CDH9: variants seen among roughly 807,000 people sequenced by gnomAD.
CDH9 encodes the protein cadherin 9.
In CDH9, 28 loss-of-function variants were observed where a neutral mutation model predicts 70.9. The ratio of observed to expected loss-of-function variants is 0.40; its 90% CI spans 0.29 to 0.54. CDH9 has a LOEUF of 0.54. Among genes scored for constraint, CDH9 ranks in the 20% least tolerant of loss-of-function variants. CDH9 has a pLI of 0.59. For synonymous variants in CDH9, 409 were observed against 343.1 expected (o/e 1.19, Z -2.12); for missense variants, 874 against 984.4 (o/e 0.89, Z 1.50).
At chr5:26,905,645 C>T (rs181508498) in intron 5 of CDH9, among the ~76,000 whole-genome samples, 79 of 152,216 alleles carry the variant, frequency 5.2e-4, no homozygotes, top group African/African-American at 1.8e-3. Flanking sequence ...TTGAGACAAT[C>T]TCAGTGAATG....
chr5:27,013,188 C>A (rs1742987451), intron 1 of CDH9, among the ~76,000 whole-genome samples: 1 of 151,966 alleles, frequency 6.6e-6, no homozygotes, highest in South Asian at 2.1e-4. Flanking sequence ...CTTGAGCATA[C>A]CCAGTCAAAA....
At chr5:26,952,458 CAAAAAAAAAAAAA>C (rs766973787) in intron 2 of CDH9, among the ~76,000 whole-genome samples, 137 of 9,964 alleles carry the variant, frequency 0.014, 1 homozygote, top group Middle Eastern at 0.083. Context: ...ACTAAAAATA[CAAAAAAAAAAAAA>C]AAAAAAAAAA....
intron 2 of CDH9, among the ~76,000 whole-genome samples, chr5:26,977,429 C>G (rs1742319340): frequency 6.7e-6 from 1 of 149,644 alleles, no homozygotes; most frequent in Non-Finnish European, 1.5e-5. Context: ...AAGTAACATT[C>G]TACAAAGTAT....
chr5:26,926,040 G>A (rs915114237), intron 2 of CDH9, among the ~76,000 whole-genome samples: 2 of 152,180 alleles, frequency 1.3e-5, no homozygotes, highest in Admixed American at 6.6e-5. Context: ...ACAAGACAGG[G>A]ATGCCCTCTC....
chr5:26,963,743 A>G (rs1368972438), intron 2 of CDH9, among the ~76,000 whole-genome samples: 2 of 152,176 alleles, frequency 1.3e-5, no homozygotes, highest in Admixed American at 6.5e-5. Flanking sequence ...TTAAAAAAAA[A>G]GATACATCAT....
At chr5:27,016,601 T>A (rs540860839) in intron 1 of CDH9, among the ~76,000 whole-genome samples, 28 of 152,012 alleles carry the variant, frequency 1.8e-4, no homozygotes, top group African/African-American at 6.5e-4. Flanking sequence ...AATTTTAGTA[T>A]AATTGGCAGC....
chr5:26,925,337 T>TAAATGTCTTCTTTTGAG (rs1741317740), intron 2 of CDH9, among the ~76,000 whole-genome samples: 1 of 152,210 alleles, frequency 6.6e-6, no homozygotes, highest in African/African-American at 2.4e-5. Flanking sequence ...GTTGGCTGCA[T>TAAATGTCTTCTTTTGAG]AAATGTCTTC....
chr5:26,943,971 A>C (rs1386658136), intron 2 of CDH9, among the ~76,000 whole-genome samples: 4 of 152,210 alleles, frequency 2.6e-5, no homozygotes, highest in Non-Finnish European at 4.4e-5. Flanking sequence ...AGCCTATGAA[A>C]TTTGATTATT....
chr5:26,993,907 T>C (rs1024589100), intron 1 of CDH9, among the ~76,000 whole-genome samples: 1 of 151,906 alleles, frequency 6.6e-6, no homozygotes, highest in Non-Finnish European at 1.5e-5. Context: ...GTTCAGAAAG[T>C]GAGACCACTG....
chr5:27,000,668 A>G (rs1742751944), intron 1 of CDH9, among the ~76,000 whole-genome samples: 1 of 152,184 alleles, frequency 6.6e-6, no homozygotes, highest in South Asian at 2.1e-4. Flanking sequence ...ATTAATGTTT[A>G]TAGAATCTTT....
At chr5:26,912,036 C>T (rs1741064098) in intron 3 of CDH9, among the ~76,000 whole-genome samples, 1 of 151,996 alleles carries the variant, frequency 6.6e-6, no homozygotes, top group South Asian at 2.1e-4. Context: ...CAGAAAATAA[C>T]ATTGTAAAGA....
chr5:26,967,219 G>A (rs1275436853), intron 2 of CDH9, among the ~76,000 whole-genome samples: 1 of 152,094 alleles, frequency 6.6e-6, no homozygotes, highest in African/African-American at 2.4e-5. Context: ...CTCCCGAAAT[G>A]CTGGGATTGC....
At chr5:26,996,169 G>A (rs902280213) in intron 1 of CDH9, among the ~76,000 whole-genome samples, 1 of 151,756 alleles carries the variant, frequency 6.6e-6, no homozygotes, top group African/African-American at 2.4e-5. Context: ...TTTTTCTTCA[G>A]ACAAAGTTTC....
In CDH9 at chr5:26,947,308, G is replaced by T. The variant is rs575538476; in HGVS notation, c.229-31384C>A. ...TAAGCTAAATTTCTATTCATAGAAAGAAATATAAATGTGAATGAAGTCCTG... is the reference window on the plus strand; with the variant it reads ...TAAGCTAAATTTCTATTCATAGAAATAAATATAAATGTGAATGAAGTCCTG... On this transcript the variant is annotated intron_variant, in intron 2 of 11. Coordinates refer to ENST00000231021, the MANE Select transcript of CDH9 (RefSeq NM_016279.4). Among the ~76,000 whole-genome samples, 20 of 152,102 alleles carry T rather than the reference G, an allele frequency of 1.3e-4. No homozygotes were observed. In the South Asian group the frequency reaches 4.1e-3, roughly 32 times the overall value.
intron 1 of CDH9, among the ~76,000 whole-genome samples, chr5:27,029,495 T>G (rs1249147080): frequency 6.6e-6 from 1 of 151,994 alleles, no homozygotes. Context: ...AGATATTTTA[T>G]CACAATGACA....
intron 2 of CDH9, 31 bp from the exon 3 acceptor site, chr5:26,915,955 A>G: frequency 1.4e-6 from 2 of 1,423,236 alleles, no homozygotes; most frequent in African/African-American, 2.9e-5. Context: ...AGAGTTCTGT[A>G]AATATATACA....
intron 1 of CDH9, among the ~76,000 whole-genome samples, chr5:27,019,637 C>G (rs555738538): frequency 8.6e-5 from 13 of 151,834 alleles, no homozygotes; most frequent in East Asian, 5.8e-4. Context: ...TCTTAACACA[C>G]AGAGAAGAAA....
At chr5:26,965,586 A>G (rs886866335) in intron 2 of CDH9, among the ~76,000 whole-genome samples, 5 of 149,496 alleles carry the variant, frequency 3.3e-5, no homozygotes, top group South Asian at 2.1e-4. Flanking sequence ...AATAATAATA[A>G]TAATAATAAT....
At chr5:27,036,438 G>A (rs980016745) in intron 1 of CDH9, among the ~76,000 whole-genome samples, 7 of 151,716 alleles carry the variant, frequency 4.6e-5, no homozygotes, top group Non-Finnish European at 8.8e-5. Context: ...CACAGGCAGT[G>A]GTATGAGACA....
Sources: gnomAD v4.1 joint callset for allele counts (sites outside exome capture counted in the v4.1 genomes callset) on GRCh38, gnomAD v4.1.1 for gene constraint, MANE v1.5 for transcripts, NCBI Gene and HGNC (gene_info 2026-07-23, HGNC 2026-07-21) for gene names.